Variants in CALN1 observed in about 807,000 individuals in gnomAD.
CALN1 encodes the protein calcium-binding protein 8.
Under a neutral mutation model 30.6 loss-of-function variants are expected in CALN1, and 17 were observed. That is an observed-to-expected ratio of 0.56 (90% CI 0.38 to 0.83). The LOEUF is 0.83. CALN1 is among the 40% of genes least tolerant of loss of function. CALN1 has a pLI of 0.00. For synonymous variants in CALN1, 156 were observed against 131.4 expected (o/e 1.19, Z -1.28); for missense variants, 291 against 354.9 (o/e 0.82, Z 1.45).
chr7:72,098,218 T>G (rs1806379011), intron 4 of CALN1, among the ~76,000 whole-genome samples: 1 of 151,880 alleles, frequency 6.6e-6, no homozygotes, highest in Admixed American at 6.6e-5. Flanking sequence ...CCAGGAAAGG[T>G]GAATCTTGGT....
intron 5 of CALN1, among the ~76,000 whole-genome samples, chr7:71,922,361 C>T (rs916271783): frequency 6.6e-6 from 1 of 151,430 alleles, no homozygotes; most frequent in Non-Finnish European, 1.5e-5. Flanking sequence ...AACGACAAAG[C>T]TGAGACCTAT....
chr7:72,398,563 G>T (rs1291876745), intron 2 of CALN1, among the ~76,000 whole-genome samples: 1 of 152,172 alleles, frequency 6.6e-6, no homozygotes, highest in Admixed American at 6.5e-5. Context: ...TATTTAGCTG[G>T]CATTTGTTGA....
At chr7:72,215,702 C>G (rs1359258195) in intron 3 of CALN1, among the ~76,000 whole-genome samples, 1 of 152,068 alleles carries the variant, frequency 6.6e-6, no homozygotes, top group Admixed American at 6.6e-5. Context: ...CAGCTCCACA[C>G]GGAGCTACTG....
At chr7:72,372,921 C>A (rs184058220) in intron 2 of CALN1, among the ~76,000 whole-genome samples, 51 of 152,084 alleles carry the variant, frequency 3.4e-4, no homozygotes, top group Admixed American at 1.4e-3. Flanking sequence ...ACATGGGATG[C>A]CAAAATGACA....
intron 5 of CALN1, among the ~76,000 whole-genome samples, chr7:71,829,572 A>G (rs1009923773): frequency 6.6e-6 from 1 of 152,246 alleles, no homozygotes; most frequent in Admixed American, 6.5e-5. Flanking sequence ...GTCTGGAAGT[A>G]ACTCATCATC....
At chr7:72,139,390 G>T (rs375130600) in intron 3 of CALN1, among the ~76,000 whole-genome samples, 1 of 136,268 alleles carries the variant, frequency 7.3e-6, no homozygotes, top group Non-Finnish European at 1.5e-5. Context: ...TCTCAGCCAC[G>T]CCCACCCTCT....
At chr7:72,012,832 G>A (rs900336408) in intron 5 of CALN1, among the ~76,000 whole-genome samples, 4 of 152,128 alleles carry the variant, frequency 2.6e-5, no homozygotes, top group African/African-American at 4.8e-5. Context: ...GTCCCCTTCC[G>A]TCACCCAGGC....
intron 5 of CALN1, among the ~76,000 whole-genome samples, chr7:71,939,713 C>T (rs1344328715): frequency 6.6e-6 from 1 of 152,140 alleles, no homozygotes; most frequent in Non-Finnish European, 1.5e-5. Context: ...GATTGGGATT[C>T]ACACTGTGAT....
chr7:71,950,910 TCCAC>T (rs1796656504), intron 5 of CALN1, among the ~76,000 whole-genome samples: 1 of 152,200 alleles, frequency 6.6e-6, no homozygotes, highest in African/African-American at 2.4e-5. Flanking sequence ...TAAAGCCGGC[TCCAC>T]CCTGTCATTC....
intron 2 of CALN1, among the ~76,000 whole-genome samples, chr7:72,342,714 T>C (rs1034989780): frequency 3.3e-5 from 5 of 152,192 alleles, no homozygotes; most frequent in Non-Finnish European, 5.9e-5. Context: ...TTACCAGTGA[T>C]AATCCTCCGG....
intron 3 of CALN1, among the ~76,000 whole-genome samples, chr7:72,160,793 G>A (rs146529545): frequency 1.4e-3 from 215 of 152,284 alleles, no homozygotes; most frequent in African/African-American, 3.7e-3. Flanking sequence ...GGGGCACGCC[G>A]CTGATGGCAA....
At chr7:71,962,955 A>G (rs1276432891) in intron 5 of CALN1, among the ~76,000 whole-genome samples, 1 of 152,178 alleles carries the variant, frequency 6.6e-6, no homozygotes, top group African/African-American at 2.4e-5. Context: ...ATTCAAGTAT[A>G]ATAAATTCTC....
chr7:72,285,781 TCTGAAAGAAG>T (rs1798044371), intron 2 of CALN1, among the ~76,000 whole-genome samples: 1 of 152,186 alleles, frequency 6.6e-6, no homozygotes, highest in Admixed American at 6.5e-5. Flanking sequence ...TAGATGGACT[TCTGAAAGAAG>T]CTGAAAGACT....
At chr7:72,340,033 T>C (rs368517012) in intron 2 of CALN1, among the ~76,000 whole-genome samples, 1 of 152,162 alleles carries the variant, frequency 6.6e-6, no homozygotes, top group Non-Finnish European at 1.5e-5. Flanking sequence ...TGGACCCCCA[T>C]TAAACTGATC....
At position 71,806,306 on chromosome 7, in the gene CALN1, C is replaced by T. The variant is rs1018188496; in HGVS notation, c.658+4030G>A. 7.6e-4 allele frequency among the ~76,000 whole-genome samples: 104 copies of T among 136,702 alleles called. 2 individuals are homozygous for T. The highest frequency in any genetic ancestry group is 1.4e-3 in the Non-Finnish European group (93 of 64,356). 89.7% of individuals were successfully genotyped at this position (136,702 alleles called of 152,430 possible). ...CACACATGATTATAGTTTCCCCCTCCTTTTTTTTTTTTTTTTGAGATGGAG... is the reference window on the plus strand; with the variant it reads ...CACACATGATTATAGTTTCCCCCTCTTTTTTTTTTTTTTTTTGAGATGGAG... On this transcript the variant is annotated intron_variant, in intron 6 of 6. Transcript: ENST00000395275.
intron 6 of CALN1, among the ~76,000 whole-genome samples, chr7:71,807,770 T>C (rs1787704810): frequency 6.6e-6 from 1 of 151,982 alleles, no homozygotes; most frequent in African/African-American, 2.4e-5. Flanking sequence ...TAAAACCCCA[T>C]CTCTACTAAA....
chr7:72,230,953 G>A (rs1446669295), intron 3 of CALN1, among the ~76,000 whole-genome samples: 1 of 152,062 alleles, frequency 6.6e-6, no homozygotes, highest in Admixed American at 6.6e-5. Context: ...GTTTTCATGT[G>A]CATGCCATTC....
At chr7:72,044,813 TCTCA>T (rs1291264355) in intron 4 of CALN1, among the ~76,000 whole-genome samples, 7 of 151,896 alleles carry the variant, frequency 4.6e-5, no homozygotes, top group African/African-American at 9.7e-5. Context: ...AGAGATGGGG[TCTCA>T]CTATGTTCCC....
At chr7:72,067,088 T>A (rs529479869) in intron 4 of CALN1, among the ~76,000 whole-genome samples, 36 of 151,994 alleles carry the variant, frequency 2.4e-4, no homozygotes, top group Non-Finnish European at 3.5e-4. Flanking sequence ...CACGCCCAGC[T>A]GGAACTATAA....
Sources: gnomAD v4.1 joint callset for allele counts (sites outside exome capture counted in the v4.1 genomes callset) on GRCh38, gnomAD v4.1.1 for gene constraint, MANE v1.5 for transcripts, NCBI Gene and HGNC (gene_info 2026-07-23, HGNC 2026-07-21) for gene names.